Variants in NEGR1 observed in about 807,000 individuals in gnomAD.
The protein encoded by NEGR1 is IgLON family member 4.
In NEGR1, 10 loss-of-function variants were observed where a neutral mutation model predicts 40.9. The observed-to-expected ratio is 0.24, with a 90% confidence interval of 0.15 to 0.42. The LOEUF (loss-of-function observed/expected upper bound fraction) is 0.42. Ranked by LOEUF, NEGR1 falls within the 10% of genes least tolerant of loss-of-function variation. The pLI, the probability that NEGR1 is intolerant of heterozygous loss-of-function variation, is 1.00. For synonymous variants in NEGR1, 185 were observed against 166.8 expected, an observed-to-expected ratio of 1.11 and a Z score of -0.84; for missense variants, 352 against 438.9, an observed-to-expected ratio of 0.80 and a Z score of 1.77.
intron 6 of NEGR1, among the ~76,000 whole-genome samples, chr1:71,479,504 C>T (rs1031854695): frequency 1.3e-5 from 2 of 151,988 alleles, no homozygotes; most frequent in South Asian, 2.1e-4. Flanking sequence ...GTTTTCTCTT[C>T]CGGACAGGCT....
intron 1 of NEGR1, among the ~76,000 whole-genome samples, chr1:72,215,866 C>A (rs1227353971): frequency 1.3e-5 from 2 of 151,866 alleles, no homozygotes; most frequent in South Asian, 4.2e-4. Flanking sequence ...TGGGTATATA[C>A]CCTAAGTATT....
chr1:71,472,335 G>A (rs1569914806), intron 6 of NEGR1, among the ~76,000 whole-genome samples: 1 of 151,984 alleles, frequency 6.6e-6, no homozygotes, highest in East Asian at 1.9e-4. Flanking sequence ...ATTTTCACTT[G>A]TACCTTTCTT....
intron 6 of NEGR1, among the ~76,000 whole-genome samples, chr1:71,502,879 CGCAAGGGAA>C (rs1647008456): frequency 1.3e-5 from 2 of 152,102 alleles, no homozygotes; most frequent in Non-Finnish European, 2.9e-5. Flanking sequence ...TCAGTTCTCC[CGCAAGGGAA>C]ATGGCCAGAG....
At chr1:71,981,192 T>C (rs889434419) in intron 1 of NEGR1, among the ~76,000 whole-genome samples, 18 of 152,160 alleles carry the variant, frequency 1.2e-4, no homozygotes, top group Admixed American at 3.3e-4. Flanking sequence ...TACGTAGACA[T>C]TGAGAAATAC....
intron 6 of NEGR1, among the ~76,000 whole-genome samples, chr1:71,525,679 C>T (rs997702755): frequency 2.0e-5 from 3 of 151,564 alleles, no homozygotes; most frequent in Non-Finnish European, 4.4e-5. Flanking sequence ...ACACATACCT[C>T]CAAATATAAT....
At chr1:71,923,383 T>A (rs951565458) in intron 2 of NEGR1, among the ~76,000 whole-genome samples, 14 of 151,224 alleles carry the variant, frequency 9.3e-5, no homozygotes, top group East Asian at 3.9e-4. Flanking sequence ...TCTCTCTCTC[T>A]CTCACACACA....
chr1:71,865,873 C>G lies in NEGR1; in HGVS notation c.409+69206G>C, dbSNP rs1010806959. ...GAACTATCCTTGCTAATAAAAAAAT[C>G]TATTTGTATTTAAAATATCTTGAGT... On this transcript the variant is annotated intron_variant, in intron 2 of 6. Transcript: ENST00000357731. 7.9e-4 allele frequency among the ~76,000 whole-genome samples: 120 copies of G among 152,236 alleles called. 1 individual carries two copies. The highest frequency in any genetic ancestry group is 2.6e-3 in the African/African-American group (109 of 41,566).
chr1:72,086,449 A>G (rs1648224712), intron 1 of NEGR1, among the ~76,000 whole-genome samples: 1 of 152,250 alleles, frequency 6.6e-6, no homozygotes, highest in Non-Finnish European at 1.5e-5. Context: ...AGAGAACAAA[A>G]GAAAAAGGTA....
At chr1:72,132,749 G>T (rs1199307197) in intron 1 of NEGR1, among the ~76,000 whole-genome samples, 1 of 152,102 alleles carries the variant, frequency 6.6e-6, no homozygotes, top group African/African-American at 2.4e-5. Context: ...GTAATTTATG[G>T]TGAATGTAAA....
At chr1:72,234,404 A>G (rs1437179144) in intron 1 of NEGR1, among the ~76,000 whole-genome samples, 1 of 152,106 alleles carries the variant, frequency 6.6e-6, no homozygotes, top group Admixed American at 6.6e-5. Flanking sequence ...AATTGCAACA[A>G]TATCAAAAAT....
chr1:71,417,914 A>G lies in NEGR1; in HGVS notation c.941-10344T>C, dbSNP rs563035635. On this transcript the variant is annotated intron_variant, in intron 6 of 6. Coordinates refer to ENST00000357731, the MANE Select transcript of NEGR1 (RefSeq NM_173808.3). ...TGTATCTCAGAGTTCTAGAAATCTG[A>G]AACAGTAACAATGACACCAACAATA... 2.4e-4 allele frequency among the ~76,000 whole-genome samples: 36 copies of G among 152,290 alleles called. No homozygotes were observed. In the South Asian group the frequency reaches 6.2e-3, roughly 26 times the overall value.
chr1:72,149,965 T>C (rs2630439), intron 1 of NEGR1, among the ~76,000 whole-genome samples: 6,588 of 149,732 alleles, frequency 0.044, 511 homozygotes, highest in African/African-American at 0.15. Context: ...ATATAGTAAG[T>C]TTAAGATGAG....
chr1:71,576,807 C>T (rs1648979237), intron 6 of NEGR1, among the ~76,000 whole-genome samples: 1 of 152,240 alleles, frequency 6.6e-6, no homozygotes, highest in Admixed American at 6.5e-5. Flanking sequence ...CTTTTCCTTC[C>T]CTCTTTTCTT....
At chr1:71,853,602 C>T (rs1043652089) in intron 2 of NEGR1, among the ~76,000 whole-genome samples, 2 of 152,006 alleles carry the variant, frequency 1.3e-5, no homozygotes, top group Non-Finnish European at 2.9e-5. Context: ...AAATTAGATA[C>T]TCTCACTAGA....
At chr1:71,754,636 C>T (rs1655673930) in intron 3 of NEGR1, among the ~76,000 whole-genome samples, 1 of 152,004 alleles carries the variant, frequency 6.6e-6, no homozygotes, top group Non-Finnish European at 1.5e-5. Flanking sequence ...ACTCCCCACC[C>T]CCACCTGCAT....
At position 71,592,881 on chromosome 1, in the gene NEGR1, G is replaced by C. The variant is rs766137505; in HGVS notation, c.876C>G (p.Phe292Leu). ...TGGCAGCCACACAGGTATAATTGCC[G>C]AAGTGCTCCTGTGTCACGTTGGTAA... is the stretch of plus-strand genomic sequence containing the variant. ...LTVTNVTQEH[F>L]GNYTCVAANK... The change falls in exon 6 of 7, where the codon TTC (phenylalanine) becomes TTG (leucine). Residue 292 changes from phenylalanine to leucine, a missense_variant. Physicochemically the swap from Phe to Leu is conservative, Grantham distance 22. Coordinates refer to ENST00000357731, the MANE Select transcript of NEGR1 (RefSeq NM_173808.3). 6 of 1,612,488 alleles carry C rather than the reference G, an allele frequency of 3.7e-6. No homozygotes were observed. Among genetic ancestry groups the C allele is most frequent in the Non-Finnish European group, 5.1e-6 (6 of 1,178,678 alleles).
chr1:72,250,804 G>T (rs773629707), intron 1 of NEGR1, among the ~76,000 whole-genome samples: 1 of 152,142 alleles, frequency 6.6e-6, no homozygotes, highest in Non-Finnish European at 1.5e-5. Context: ...AAACCAAGAA[G>T]AATGTGATTT....
At chr1:72,107,947 C>G (rs76844550) in intron 1 of NEGR1, among the ~76,000 whole-genome samples, 76 of 151,542 alleles carry the variant, frequency 5.0e-4, no homozygotes, top group African/African-American at 1.8e-3. Flanking sequence ...TTATTCTATT[C>G]TATTTCCTGA....
intron 1 of NEGR1, among the ~76,000 whole-genome samples, chr1:72,197,162 C>A (rs560668813): frequency 3.9e-5 from 6 of 151,902 alleles, no homozygotes; most frequent in African/African-American, 1.2e-4. Context: ...ATTGTTCCTA[C>A]CCCCAAAGTG....
Sources: gnomAD v4.1 joint callset for allele counts (sites outside exome capture counted in the v4.1 genomes callset) on GRCh38, gnomAD v4.1.1 for gene constraint, MANE v1.5 for transcripts, NCBI Gene and HGNC (gene_info 2026-07-23, HGNC 2026-07-21) for gene names.